The following TMPRSS9 variants were observed in gnomAD, a reference collection of about 807,000 sequenced individuals.
TMPRSS9 encodes the protein transmembrane serine protease 9.
Under a neutral mutation model 111.4 loss-of-function variants are expected in TMPRSS9, and 113 were observed. That is an observed-to-expected ratio of 1.01 (90% CI 0.87 to 1.19). TMPRSS9 has a LOEUF of 1.19. TMPRSS9 is among the 50% of genes most tolerant of loss of function. The pLI is 0.00. For synonymous variants in TMPRSS9, 805 were observed against 659.1 expected (o/e 1.22, Z -3.39); for missense variants, 1,803 against 1,513.1 (o/e 1.19, Z -3.18).
At chr19:2,362,327 T>G (rs548301260) in intron 1 of TMPRSS9, among the ~76,000 whole-genome samples, 1 of 152,194 alleles carries the variant, frequency 6.6e-6, no homozygotes, top group East Asian at 1.9e-4. Flanking sequence ...TGTGATTGTA[T>G]AGGATTGTGT....
rs956410114 is a variant in TMPRSS9, at chr19:2,422,326, G to T, written c.2548+79G>T. The stretch of plus-strand genomic sequence containing the variant: ...CCTGGGCTGCCTAACAAGACATAAC[G>T]TCGTCCACTTTGGGAGGCCGAGGCG... On this transcript the variant is annotated intron_variant, in intron 14 of 17. Coordinates refer to ENST00000648592, the Ensembl canonical transcript of TMPRSS9. 6.3e-6 allele frequency: 9 copies of T among 1,439,574 alleles called. No individual in the cohort carries two copies. The South Asian group carries it at 1.4e-4, about 22-fold the overall frequency. The allele number at this position is 1,439,574 out of a possible 1,614,324, so 89.2% of individuals were successfully genotyped here. A position where few individuals can be genotyped will look rare whatever the true frequency, so the allele number is the denominator to read the frequency against.
intron 1 of TMPRSS9, among the ~76,000 whole-genome samples, chr19:2,394,809 T>G (rs1232824260): frequency 2.6e-5 from 4 of 152,250 alleles, no homozygotes; most frequent in African/African-American, 9.6e-5. Context: ...TGGTGTGCAC[T>G]TCTGGTAGTT....
chr19:2,413,790 G>T, exon 10 of TMPRSS9: 1 of 1,613,834 alleles, frequency 6.2e-7, no homozygotes, highest in South Asian at 1.1e-5. Context: ...GTGTGCGGAA[G>T]CCCGGCGTCC....
At chr19:2,378,224 G>A (rs1970354783) in intron 1 of TMPRSS9, among the ~76,000 whole-genome samples, 1 of 152,074 alleles carries the variant, frequency 6.6e-6, no homozygotes, top group Non-Finnish European at 1.5e-5. Context: ...TTTCTTTACA[G>A]CAGGACAAAA....
Position 2,398,790 on chromosome 19 carries a change from T to A in TMPRSS9, c.271-5T>A. On this transcript the variant is annotated splice_region_variant and splice_polypyrimidine_tract_variant and intron_variant, in intron 2 of 17. Transcript: ENST00000648592. ...CAACATTTGATATTCTTGTTTCTAT[T>A]GCAGTTTGTAAGTAGTTTTCAGAAG... The A allele has an allele frequency of 6.9e-7, 1 of 1,445,400 alleles. No individual in the cohort carries two copies. Among genetic ancestry groups the A allele is most frequent in the Non-Finnish European group, 9.2e-7 (1 of 1,090,010 alleles). The allele number at this position is 1,445,400 out of a possible 1,614,324, so 89.5% of individuals were successfully genotyped here.
intron 13 of TMPRSS9, 135 bp from the exon 15 acceptor site, chr19:2,421,719 C>T (rs1971465413): frequency 1.1e-6 from 1 of 910,674 alleles, no homozygotes; most frequent in Non-Finnish European, 1.6e-6. Flanking sequence ...GCAGTCAGGT[C>T]TCCAGACCCG....
chr19:2,398,827 G>A, exon 3 of TMPRSS9: 2 of 1,498,174 alleles, frequency 1.3e-6, no homozygotes, highest in Non-Finnish European at 1.8e-6. Flanking sequence ...CAGAGTTAGA[G>A]GCAAGCTGCG....
At position 2,396,534 on chromosome 19, in the gene TMPRSS9, C is replaced by T. The variant is rs747115337; in HGVS notation, c.143-5C>T. On this transcript the variant is annotated splice_region_variant and splice_polypyrimidine_tract_variant and intron_variant, in intron 1 of 17. Transcript: ENST00000648592. ...CTCTCTCACGGGCCCTGGTCTCGTC[C>T]CCAGCCTTCCTCTCTACACAGGGCT... 8.1e-6 allele frequency: 13 copies of T among 1,598,484 alleles called. No individual in the cohort carries two copies. The highest frequency in any genetic ancestry group is 1.0e-5 in the Non-Finnish European group (12 of 1,171,322).
chr19:2,422,204 A>G, exon 14 of TMPRSS9: 1 of 1,528,300 alleles, frequency 6.5e-7, no homozygotes, highest in Non-Finnish European at 8.8e-7. Flanking sequence ...GACAGACGCC[A>G]TTTCCAGACG....
chr19:2,418,311 C>CTCCTTTTCCT (rs1568189292), intron 13 of TMPRSS9, among the ~76,000 whole-genome samples, 173 bp downstream of exon 14: 6 of 31,204 alleles, frequency 1.9e-4, no homozygotes, highest in African/African-American at 1.4e-3. Context: ...CTCCCTTTCC[C>CTCCTTTTCCT]TCCCTCCCTC....
At chr19:2,391,012 C>CAAGAAAGAAAGA (rs202241101) in intron 1 of TMPRSS9, among the ~76,000 whole-genome samples, 46 of 125,030 alleles carry the variant, frequency 3.7e-4, no homozygotes, top group African/African-American at 1.3e-3. Context: ...ACTAAAAATA[C>CAAGAAAGAAAGA]AAGAAAGAAA....
At chr19:2,406,332 T>TATTTG (rs1446648980) in intron 7 of TMPRSS9, among the ~76,000 whole-genome samples, 12 of 149,984 alleles carry the variant, frequency 8.0e-5, no homozygotes, top group African/African-American at 3.0e-4. Context: ...TATTTTATTT[T>TATTTG]ATTTTTTCTT....
rs528713324 is a variant in TMPRSS9 at position 2,401,038 on chromosome 19, G to C, written c.515-937G>C. On this transcript the variant is annotated intron_variant, in intron 4 of 17. Coordinates refer to ENST00000648592, the Ensembl canonical transcript of TMPRSS9. ...GCCTGTAATCCCAGCACTTTAGGAG[G>C]CCGAGGTGGGCAGATCACAAGGTCA... 1.1e-3 allele frequency among the ~76,000 whole-genome samples: 161 copies of C among 151,314 alleles called. 1 individual carries two copies. Among genetic ancestry groups the C allele is most frequent in the Middle Eastern group, 6.8e-3 (2 of 294 alleles).
At chr19:2,406,330 T>TTTA (rs1970970175) in intron 7 of TMPRSS9, among the ~76,000 whole-genome samples, 2 of 148,360 alleles carry the variant, frequency 1.3e-5, no homozygotes, top group African/African-American at 5.0e-5. Context: ...TTTATTTTAT[T>TTTA]TTATTTTTTC....
At position 2,422,252 on chromosome 19, in the gene TMPRSS9, C is replaced by T. The variant is rs923342774; in HGVS notation, c.2548+5C>T. 22 of 1,500,176 alleles carry T rather than the reference C, an allele frequency of 1.5e-5. No homozygotes were observed. Among genetic ancestry groups the T allele is most frequent in the East Asian group, 4.6e-5 (2 of 43,386 alleles). The allele number at this position is 1,500,176 out of a possible 1,614,324, so 92.9% of individuals were successfully genotyped here. A position where few individuals can be genotyped will look rare whatever the true frequency, so the allele number is the denominator to read the frequency against. On this transcript the variant is annotated splice_donor_5th_base_variant and intron_variant, in intron 14 of 17. Coordinates refer to ENST00000648592, the Ensembl canonical transcript of TMPRSS9. The stretch of plus-strand genomic sequence containing the variant: ...CCACACACACCCAGCTACCAGGTAC[C>T]GGGAGAGACGGAGGGATCCCTGGGA...
At chr19:2,381,015 G>T (rs554659838) in intron 1 of TMPRSS9, among the ~76,000 whole-genome samples, 46 of 152,164 alleles carry the variant, frequency 3.0e-4, no homozygotes, top group African/African-American at 1.0e-3. Context: ...CCTGTACACA[G>T]ATTCAAAGTT....
At chr19:2,363,761 C>T (rs1335207122) in intron 1 of TMPRSS9, among the ~76,000 whole-genome samples, 1 of 143,588 alleles carries the variant, frequency 7.0e-6, no homozygotes, top group Non-Finnish European at 1.5e-5. Context: ...GTGGAGGAGT[C>T]ACTAGAATTC....
chr19:2,416,490 C>T lies in TMPRSS9; in HGVS notation c.1746-48C>T, dbSNP rs141606751. The T allele has an allele frequency of 4.1e-5, 64 of 1,565,510 alleles. No homozygotes were observed. The East Asian group carries it at 6.5e-4, about 16-fold the overall frequency. On this transcript the variant is annotated intron_variant, in intron 11 of 17. Transcript: ENST00000648592. ...TCAGCCCTGTCCCTCCCCAAGAAGG[C>T]GGGCATGTGCTGGAGGGCAGGCATG...
rs897502145 is a variant in TMPRSS9, at chr19:2,379,675, TTC to T, written c.-25-10082_-25-10081del. On this transcript the variant is annotated intron_variant, in intron 1 of 17. Transcript: ENST00000649857. The stretch of plus-strand genomic sequence containing the variant: ...TTTCTTTCTTTCTTTCTTTCTTTCT[TTC>T]TCTTTTTCTTTCTTTCCTTCCTTCC... Among the ~76,000 whole-genome samples the T allele has an allele frequency of 1.4e-3, 206 of 144,604 alleles. 1 individual carries two copies. Among genetic ancestry groups the T allele is most frequent in the African/African-American group, 4.2e-3 (155 of 37,136 alleles). 94.9% of individuals were successfully genotyped at this position (144,604 alleles called of 152,430 possible).
Sources: gnomAD v4.1 joint callset for allele counts (sites outside exome capture counted in the v4.1 genomes callset) on GRCh38, gnomAD v4.1.1 for gene constraint, MANE v1.5 for transcripts, NCBI Gene and HGNC (gene_info 2026-07-23, HGNC 2026-07-21) for gene names.